The following RHBDD3 variants were observed in gnomAD, a reference collection of about 807,000 sequenced individuals.
RHBDD3 encodes the protein rhomboid domain containing 3, also known as rhomboid domain-containing protein 3.
A neutral mutation model predicts 32.3 loss-of-function variants in RHBDD3; 34 were observed. The observed-to-expected ratio is 1.05, with a 90% CI of 0.80 to 1.40. The LOEUF (loss-of-function observed/expected upper bound fraction) is 1.40. Among genes scored for constraint, RHBDD3 ranks in the 40% most tolerant of loss-of-function variants. The pLI, the probability that RHBDD3 is intolerant of heterozygous loss-of-function variation, is 0.00. For missense variants in RHBDD3, 482 were observed against 492.6 expected (o/e 0.98, Z 0.20); for synonymous variants, 249 against 239.1 (o/e 1.04, Z -0.38).
chr22:29,264,878 C>T (rs985218129), intron 3 of RHBDD3, among the ~76,000 whole-genome samples: 4 of 152,006 alleles, frequency 2.6e-5, no homozygotes, highest in Non-Finnish European at 5.9e-5. Flanking sequence ...CCCAGGTTCG[C>T]GCCATTCTCC....
rs1047201953 is a variant in RHBDD3 at position 29,260,607 on chromosome 22, G to A, written c.702C>T (p.Pro234=). The A allele has an allele frequency of 1.5e-5, 24 of 1,590,932 alleles. No homozygotes were observed. The highest frequency in any genetic ancestry group is 2.7e-5 in the African/African-American group (2 of 74,586). ...AGGCCACATAAGGCGGTCCAGGGAT[G>A]GGAGGCCTGGAGGAGTGGGAAGAGA... is the stretch of plus-strand genomic sequence containing the variant. ...PVTHPAGVRP[P]IPGPPYVASP... Residue 234 remains proline, a synonymous_variant, in exon 6 of 7, where the codon CCC becomes CCT. Coordinates refer to ENST00000216085, the MANE Select transcript of RHBDD3 (RefSeq NM_012265.3).
Position 29,263,425 on chromosome 22 carries a change from C to T in RHBDD3, c.532+410G>A, listed in dbSNP as rs192006613. ...AACTCCAGACCTCAAGTGATCTGCC[C>T]GCCTGGCCTCCCAAAGTGCTGGGGT... On this transcript the variant is annotated intron_variant, in intron 4 of 6. Transcript: ENST00000216085. 2.8e-3 allele frequency among the ~76,000 whole-genome samples: 431 copies of T among 152,246 alleles called. 1 individual carries two copies. The highest frequency in any genetic ancestry group is 9.9e-3 in the African/African-American group (411 of 41,544).
chr22:29,260,702 C>T lies in RHBDD3; in HGVS notation c.695G>A (p.Arg232Lys), dbSNP rs758060979. 134 of 1,575,302 alleles carry T rather than the reference C, an allele frequency of 8.5e-5. No individual in the cohort carries two copies. The highest frequency in any genetic ancestry group is 1.1e-4 in the Non-Finnish European group (133 of 1,161,390). ...ELPVTHPAGVRPPIPGPPYVA... is the reference protein window; with the variant it reads ...ELPVTHPAGVKPPIPGPPYVA... ...CTGGCATCCCCCCCATCACCCTCACCTCACTCCGGCAGGATGGGTGACAGG... is the reference window on the plus strand; with the variant it reads ...CTGGCATCCCCCCCATCACCCTCACTTCACTCCGGCAGGATGGGTGACAGG... The change falls in exon 5 of 7, where the codon AGG (arginine) becomes AAG (lysine). Residue 232 changes from arginine to lysine, a missense_variant and splice_region_variant. By Grantham distance (26) the Arg-to-Lys change is conservative. Coordinates refer to ENST00000216085, the MANE Select transcript of RHBDD3 (RefSeq NM_012265.3).
At chr22:29,261,257 G>A (rs2058114672) in intron 4 of RHBDD3, 1 of 491,688 alleles carries the variant, frequency 2.0e-6, no homozygotes, top group Non-Finnish European at 4.1e-6. Context: ...GAGTGCAGAG[G>A]CCAGCCTGTT....
At chr22:29,264,635 G>A (rs969223162) in intron 3 of RHBDD3, 1 of 474,138 alleles carries the variant, frequency 2.1e-6, no homozygotes, top group South Asian at 9.0e-5. Context: ...TAACCTCTCT[G>A]AGCATCATTG....
intron 4 of RHBDD3, among the ~76,000 whole-genome samples, chr22:29,263,213 T>C (rs1328820225): frequency 1.3e-5 from 2 of 152,236 alleles, no homozygotes; most frequent in Admixed American, 1.3e-4. Flanking sequence ...CCCAGCTAAT[T>C]TTTGTATTTT....
chr22:29,260,047 C>T lies in RHBDD3; in HGVS notation c.*13G>A, dbSNP rs2058090643. 1.3e-5 allele frequency: 20 copies of T among 1,553,676 alleles called. No individual in the cohort carries two copies. Among genetic ancestry groups the T allele is most frequent in the Non-Finnish European group, 1.7e-5 (20 of 1,148,960 alleles). ...CACCCAAGGGCCTGCCTGTGCCCCACTCTCTGCCTGGGCTAGGGAGGCCCA... is the reference window on the plus strand; with the variant it reads ...CACCCAAGGGCCTGCCTGTGCCCCATTCTCTGCCTGGGCTAGGGAGGCCCA... On this transcript the variant is annotated 3_prime_UTR_variant, in exon 7 of 7. Transcript: ENST00000216085.
At chr22:29,266,812 C>T (rs944653987) in intron 2 of RHBDD3, among the ~76,000 whole-genome samples, 1 of 152,260 alleles carries the variant, frequency 6.6e-6, no homozygotes, top group African/African-American at 2.4e-5. Context: ...GCCTTCTCCA[C>T]ATCTACCAGT....
Position 29,259,970 on chromosome 22 carries a change from C to G in RHBDD3, c.*90G>C. The G allele has an allele frequency of 7.3e-7, 1 of 1,362,326 alleles. No homozygotes were observed. The allele number at this position is 1,362,326 out of a possible 1,614,324, so 84.4% of individuals were successfully genotyped here. On this transcript the variant is annotated 3_prime_UTR_variant, in exon 7 of 7. Transcript: ENST00000216085. ...GGTGCCCCTGCTCCCCACTGTGGCC[C>G]TCTTTAGACAGAGTAGGAGCTCGGG...
Position 29,260,111 on chromosome 22 carries a change from C to A in RHBDD3, c.1110G>T (p.Val370=). Reference sequence around the variant, plus strand: ...GGGCAGGCCCACCCTTTCCATGGGTCACCAGGGTCTCAGTGCCCACTTGTC... The same window carrying A: ...GGGCAGGCCCACCCTTTCCATGGGTAACCAGGGTCTCAGTGCCCACTTGTC... ...VGGQVGTETL[V]THGKGGPAHS... is the part of the protein sequence containing the mutation. Residue 370 remains valine, a synonymous_variant, in exon 7 of 7, where the codon GTG becomes GTT. Coordinates refer to ENST00000216085, the MANE Select transcript of RHBDD3 (RefSeq NM_012265.3). The A allele has an allele frequency of 6.3e-7, 1 of 1,583,616 alleles. No individual in the cohort carries two copies. The highest frequency in any genetic ancestry group is 8.6e-7 in the Non-Finnish European group (1 of 1,165,252).
At position 29,263,914 on chromosome 22, in the gene RHBDD3, C is replaced by A; in HGVS notation, c.453G>T (p.Leu151=). ...TGAGCAGTGGGGTCAGGGCAAGCAG[C>A]AGCCACGGCGACAGCCACGGTGGCA... ...GALPPWLSPW[L]LLALTPLLSS... The change falls in exon 4 of 7, where the codon CTG becomes CTT. Residue 151 remains leucine (L), a synonymous_variant. Coordinates refer to ENST00000216085, the MANE Select transcript of RHBDD3 (RefSeq NM_012265.3). The A allele has an allele frequency of 6.5e-7, 1 of 1,549,224 alleles. No homozygotes were observed.
upstream of RHBDD3, chr22:29,268,128 TCACGTC>T (rs2058274212): frequency 8.5e-5 from 54 of 635,128 alleles, no homozygotes; most frequent in East Asian, 1.3e-3. Flanking sequence ...GGCCCGAGTG[TCACGTC>T]GGGCGCTCTT....
chr22:29,265,385 G>C (rs936126713), intron 3 of RHBDD3, 94 bp downstream of exon 3: 2 of 1,041,214 alleles, frequency 1.9e-6, no homozygotes, highest in Non-Finnish European at 2.6e-6. Context: ...ATCCCTGTTT[G>C]ACCCCTGGAG....
rs375572088 is a variant in RHBDD3 at position 29,265,506 on chromosome 22, G to A, written c.121C>T (p.Pro41Ser). 1.9e-6 allele frequency: 3 copies of A among 1,549,408 alleles called. No individual in the cohort carries two copies. Among genetic ancestry groups the A allele is most frequent in the African/African-American group, 2.8e-5 (2 of 70,356 alleles). ...TGCCAGGGGTCCAGCAACAGCTCCG[G>A]GGCCAGGACCAGGCCGGGGCCGGCC... ...VGAGPGLVLA[P>S]ELLLDPWQVH... Residue 41 changes from proline to serine, a missense_variant, in exon 3 of 7, where the codon CCG becomes TCG. Physicochemically the swap from Pro to Ser is moderately conservative, Grantham distance 74. Coordinates refer to ENST00000216085, the MANE Select transcript of RHBDD3 (RefSeq NM_012265.3).
chr22:29,260,690 C>A lies in RHBDD3; in HGVS notation c.695+12G>T. ...CCACCACCTGGACTGGCATCCCCCC[C>A]ATCACCCTCACCTCACTCCGGCAGG... On this transcript the variant is annotated intron_variant, in intron 5 of 6. Transcript: ENST00000216085. 1.3e-6 allele frequency: 2 copies of A among 1,560,006 alleles called. No individual in the cohort carries two copies. Among genetic ancestry groups the A allele is most frequent in the East Asian group, 2.3e-5 (1 of 43,954 alleles).
chr22:29,265,554 TCAG>T lies in RHBDD3; in HGVS notation c.70_72del (p.Leu24del). The T allele has an allele frequency of 1.3e-6, 2 of 1,588,190 alleles. No homozygotes were observed. The highest frequency in any genetic ancestry group is 3.6e-5 in the Admixed American group (2 of 55,112). On this transcript the variant is annotated inframe_deletion, in exon 3 of 7. Coordinates refer to ENST00000216085, the MANE Select transcript of RHBDD3 (RefSeq NM_012265.3). The stretch of plus-strand genomic sequence containing the variant: ...GCCCCCACCAGCCACAGGGTGCTCA[TCAG>T]CAGCATCAGGACTGAGGAGGCCAGA...
At chr22:29,263,043 T>A (rs534063123) in intron 4 of RHBDD3, among the ~76,000 whole-genome samples, 1 of 151,488 alleles carries the variant, frequency 6.6e-6, no homozygotes, top group Admixed American at 6.6e-5. Flanking sequence ...GCCTGGCTAA[T>A]TTTTGTTTTT....
In RHBDD3 at chr22:29,260,220, C is replaced by A. The variant is rs200541582; in HGVS notation, c.1001G>T (p.Arg334Leu). 6.3e-7 allele frequency: 1 copy of A among 1,599,384 alleles called. No individual in the cohort carries two copies. The highest frequency in any genetic ancestry group is 1.3e-5 in the African/African-American group (1 of 74,890). Residue 334 changes from arginine (R) to leucine (L), a missense_variant, in exon 7 of 7, where the codon CGC (arginine) becomes CTC (leucine). By Grantham distance (102) the Arg-to-Leu change is moderately radical. Coordinates refer to ENST00000216085, the MANE Select transcript of RHBDD3 (RefSeq NM_012265.3). ...VSSLRLQQLERMGFPTEQAVV... is the reference protein window; with the variant it reads ...VSSLRLQQLELMGFPTEQAVV... ...CGCCTGCTCCGTAGGGAAGCCCATG[C>A]GCTCCAGCTGCTGCAGCCTGTTGGG...
At position 29,259,992 on chromosome 22, in the gene RHBDD3, C is replaced by T. The variant is rs529738381; in HGVS notation, c.*68G>A. 18 of 1,474,918 alleles carry T rather than the reference C, an allele frequency of 1.2e-5. No homozygotes were observed. In the African/African-American group the frequency reaches 1.8e-4, roughly 15 times the overall value. 91.4% of individuals were successfully genotyped at this position (1,474,918 alleles called of 1,614,324 possible). On this transcript the variant is annotated 3_prime_UTR_variant, in exon 7 of 7. Transcript: ENST00000216085. ...GCCCTCTTTAGACAGAGTAGGAGCT[C>T]GGGCTACCCACATGCAGCCCAGCCC... is the stretch of plus-strand genomic sequence containing the variant.
Sources: allele counts gnomAD v4.1 joint callset (sites outside exome capture counted in the v4.1 genomes callset), GRCh38; gene constraint gnomAD v4.1.1; transcripts MANE v1.5; gene names NCBI Gene and HGNC (gene_info 2026-07-23, HGNC 2026-07-21).